ZNF420: variants seen among roughly 807,000 people sequenced by gnomAD.
The protein encoded by ZNF420 is zinc finger protein 420.
Under a neutral mutation model 44.7 loss-of-function variants are expected in ZNF420, and 31 were observed. The observed-to-expected ratio is 0.69, with a 90% CI of 0.52 to 0.94. ZNF420 has a LOEUF of 0.94. ZNF420 is among the 40% of genes least tolerant of loss of function. The pLI, the probability that ZNF420 is intolerant of heterozygous loss-of-function variation, is 0.00. For missense variants in ZNF420, 681 were observed against 827.9 expected (o/e 0.82, Z 2.18); for synonymous variants, 245 against 267.4 (o/e 0.92, Z 0.82).
At chr19:37,036,315 T>A (rs1282654663) in intron 1 of ZNF420, among the ~76,000 whole-genome samples, 5 of 152,230 alleles carry the variant, frequency 3.3e-5, no homozygotes, top group Non-Finnish European at 7.3e-5. Flanking sequence ...CACTACATAT[T>A]GTATGCATGT....
At chr19:37,108,928 T>G (rs1016627674) in intron 4 of ZNF420, among the ~76,000 whole-genome samples, 1 of 152,208 alleles carries the variant, frequency 6.6e-6, no homozygotes, top group Non-Finnish European at 1.5e-5. Flanking sequence ...CTTCCTAAAC[T>G]AAAACTTCTG....
intron 4 of ZNF420, chr19:37,108,430 T>A (rs951272915): frequency 6.6e-6 from 1 of 152,180 alleles, no homozygotes; most frequent in African/African-American, 2.4e-5. Flanking sequence ...AATCTGCAAT[T>A]TTCACAGGTT....
At chr19:37,063,923 C>T (rs1272548981) in intron 1 of ZNF420, among the ~76,000 whole-genome samples, 1 of 152,190 alleles carries the variant, frequency 6.6e-6, no homozygotes, top group East Asian at 1.9e-4. Flanking sequence ...TCTCTTTAAT[C>T]TCCTTTAGTC....
At chr19:37,053,205 G>T (rs915512827) in intron 1 of ZNF420, among the ~76,000 whole-genome samples, 44 of 152,078 alleles carry the variant, frequency 2.9e-4, no homozygotes, top group Admixed American at 2.6e-4. Context: ...CTTGGCTTTT[G>T]GCTCCATCAG....
chr19:37,054,580 CAG>C (rs1220580530), intron 1 of ZNF420, among the ~76,000 whole-genome samples: 2 of 152,228 alleles, frequency 1.3e-5, no homozygotes, highest in African/African-American at 4.8e-5. Context: ...GCATTGTATT[CAG>C]AGAGCGTCAG....
chr19:37,117,404 G>A (rs562891785), intron 4 of ZNF420, among the ~76,000 whole-genome samples: 11 of 152,304 alleles, frequency 7.2e-5, no homozygotes, highest in South Asian at 2.1e-4. Context: ...ACCTGCAGGC[G>A]AGGCTCCTGT....
In ZNF420 at chr19:37,105,354, C is replaced by T. The variant is rs1055979426; in HGVS notation, c.136+14233C>T. On this transcript the variant is annotated intron_variant, in intron 4 of 4. Transcript: ENST00000337995. Reference sequence around the variant, plus strand: ...GAGGGCTCTGTTCTGTTCCATTGATCTATATCTCTGTTTTGGTACCAGTAC... The same window carrying T: ...GAGGGCTCTGTTCTGTTCCATTGATTTATATCTCTGTTTTGGTACCAGTAC... Among the ~76,000 whole-genome samples, 242 of 152,240 alleles carry T rather than the reference C, an allele frequency of 1.6e-3. 1 individual carries two copies. Among genetic ancestry groups the T allele is most frequent in the Non-Finnish European group, 3.0e-3 (201 of 68,016 alleles).
upstream of ZNF420, among the ~76,000 whole-genome samples, chr19:37,076,326 C>T (rs1209158012): frequency 1.3e-5 from 2 of 151,710 alleles, no homozygotes. Context: ...AAACAAAACC[C>T]AGTATATATC....
intron 2 of ZNF420, among the ~76,000 whole-genome samples, chr19:37,080,592 C>T (rs1968383366): frequency 6.6e-6 from 1 of 152,100 alleles, no homozygotes; most frequent in South Asian, 2.1e-4. Flanking sequence ...GGATTTGAGA[C>T]TCATGGATTT....
At chr19:37,032,871 T>C (rs1714861237) in intron 1 of ZNF420, among the ~76,000 whole-genome samples, 1 of 151,996 alleles carries the variant, frequency 6.6e-6, no homozygotes, top group Admixed American at 6.6e-5. Context: ...CTAGAGGAAA[T>C]TGAAAGAGGG....
At chr19:37,035,490 C>A (rs533778995) in intron 1 of ZNF420, among the ~76,000 whole-genome samples, 1 of 152,180 alleles carries the variant, frequency 6.6e-6, no homozygotes, top group African/African-American at 2.4e-5. Context: ...TTGGCCACCA[C>A]GCCTGGCCAC....
At chr19:37,038,855 G>A (rs1202752969) in intron 1 of ZNF420, among the ~76,000 whole-genome samples, 1 of 152,036 alleles carries the variant, frequency 6.6e-6, no homozygotes, top group Non-Finnish European at 1.5e-5. Context: ...GAATGGCAGT[G>A]CATGCCTATA....
chr19:37,105,897 G>A, intron 4 of ZNF420, among the ~76,000 whole-genome samples: 1 of 152,192 alleles, frequency 6.6e-6, no homozygotes, highest in East Asian at 1.9e-4. Flanking sequence ...CTGAGACTTT[G>A]CTGAAGTTGC....
chr19:37,121,974 A>G (rs1348256024), intron 4 of ZNF420, among the ~76,000 whole-genome samples: 1 of 152,198 alleles, frequency 6.6e-6, no homozygotes, highest in East Asian at 1.9e-4. Flanking sequence ...CAGGTGCTGG[A>G]GAGGATGTGG....
chr19:37,091,060 T>C lies in ZNF420; in HGVS notation c.75T>C (p.Ser25=), dbSNP rs1599660735. 2 of 1,613,274 alleles carry C rather than the reference T, an allele frequency of 1.2e-6. No individual in the cohort carries two copies. The highest frequency in any genetic ancestry group is 4.5e-5 in the East Asian group (2 of 44,874). The change falls in exon 4 of 5, where the codon TCT becomes TCC. Residue 25 remains serine (S), a synonymous_variant. Transcript: ENST00000337995. ...AGGAAGAGTGGGAATGCCTGGACTC[T>C]GCTCAGAGAGATTTGTATAGAGATG... ...FSQEEWECLD[S]AQRDLYRDVM...
chr19:37,087,518 A>C (rs1262120145), intron 2 of ZNF420, among the ~76,000 whole-genome samples: 1 of 152,122 alleles, frequency 6.6e-6, no homozygotes, highest in Non-Finnish European at 1.5e-5. Context: ...TTTCAGTTAA[A>C]AATGTATTGA....
intron 1 of ZNF420, among the ~76,000 whole-genome samples, chr19:37,045,854 T>A (rs1967533876): frequency 6.6e-6 from 1 of 152,232 alleles, no homozygotes; most frequent in Non-Finnish European, 1.5e-5. Context: ...GTAGCATATC[T>A]AAAACCTTTT....
At chr19:37,022,534 A>T (rs953364377) in intron 1 of ZNF420, among the ~76,000 whole-genome samples, 2 of 152,186 alleles carry the variant, frequency 1.3e-5, no homozygotes, top group Admixed American at 1.3e-4. Flanking sequence ...AATTACATGA[A>T]ATGCTTCTGA....
intron 4 of ZNF420, among the ~76,000 whole-genome samples, chr19:37,100,608 G>C (rs112191591): frequency 0.013 from 1,993 of 152,236 alleles, 46 homozygotes; most frequent in African/African-American, 0.045. Flanking sequence ...AGCTACTCAG[G>C]AGGCTGAGGC....
Sources: gnomAD v4.1 joint callset for allele counts (sites outside exome capture counted in the v4.1 genomes callset) on GRCh38, gnomAD v4.1.1 for gene constraint, MANE v1.5 for transcripts, NCBI Gene and HGNC (gene_info 2026-07-23, HGNC 2026-07-21) for gene names.